Variants in DTD1 observed in about 807,000 individuals in gnomAD.
DTD1 encodes the protein D-tyrosyl-tRNA deacylase 1 homolog.
DTD1 carries 13 observed loss-of-function variants against 25.6 expected under a neutral mutation model. The observed-to-expected ratio is 0.51, with a 90% confidence interval of 0.33 to 0.81. DTD1 has a LOEUF of 0.81. DTD1 is among the 30% of genes least tolerant of loss of function. The pLI is 0.02. For missense variants in DTD1, 193 were observed against 266.4 expected (o/e 0.72, Z 1.92); for synonymous variants, 110 against 103.6 (o/e 1.06, Z -0.37).
chr20:18,596,062 C>G lies in DTD1; in HGVS notation c.191C>G (p.Ser64Trp). The change falls in exon 3 of 6, where the codon TCG (serine) becomes TGG (tryptophan). Residue 64 changes from serine to tryptophan, a missense_variant. Physicochemically the swap from Ser to Trp is radical, Grantham distance 177 (BLOSUM62 -3). Transcript: ENST00000377452. ...GAGGATGAGAGTGGGAAGCACTGGT[C>G]GAAGAGTGTGATGGACAAACAGTAC... Reference protein sequence around the residue: ...VFEDESGKHWSKSVMDKQYEI... With the variant: ...VFEDESGKHWWKSVMDKQYEI... 6.2e-7 allele frequency: 1 copy of G among 1,613,960 alleles called. No individual in the cohort carries two copies. Among genetic ancestry groups the G allele is most frequent in the South Asian group, 1.1e-5 (1 of 91,062 alleles).
intron 4 of DTD1, among the ~76,000 whole-genome samples, chr20:18,662,523 C>CCAG (rs1451486070): frequency 5.3e-5 from 8 of 152,160 alleles, no homozygotes; most frequent in Non-Finnish European, 1.2e-4. Flanking sequence ...GCAAGCTGCT[C>CCAG]CAGAAGCACA....
intron 4 of DTD1, among the ~76,000 whole-genome samples, chr20:18,698,915 C>A (rs533203727): frequency 2.0e-5 from 3 of 152,300 alleles, no homozygotes; most frequent in Middle Eastern, 3.4e-3. Flanking sequence ...CTGTCCTCTA[C>A]CTCATCTCCT....
intron 4 of DTD1, among the ~76,000 whole-genome samples, chr20:18,628,488 C>T (rs942427066): frequency 5.3e-5 from 8 of 152,202 alleles, no homozygotes; most frequent in African/African-American, 1.9e-4. Flanking sequence ...GGTTCTTCCC[C>T]TGGGCTTCCC....
intron 3 of DTD1, among the ~76,000 whole-genome samples, chr20:18,607,652 T>TA (rs1374997587): frequency 6.6e-6 from 1 of 152,184 alleles, no homozygotes; most frequent in Non-Finnish European, 1.5e-5. Flanking sequence ...GAAAGGTTAT[T>TA]AAATATTGCT....
intron 4 of DTD1, among the ~76,000 whole-genome samples, chr20:18,636,889 C>T (rs2122328852): frequency 6.6e-6 from 1 of 152,268 alleles, no homozygotes; most frequent in East Asian, 1.9e-4. Context: ...GACTGAGGAC[C>T]ACTGGCATCA....
intron 5 of DTD1, among the ~76,000 whole-genome samples, chr20:18,745,923 G>A (rs989244749): frequency 6.6e-6 from 1 of 152,188 alleles, no homozygotes; most frequent in Non-Finnish European, 1.5e-5. Flanking sequence ...GAGGCTGGAA[G>A]CAGATAGGCC....
chr20:18,625,985 C>A (rs1447540479), intron 3 of DTD1, among the ~76,000 whole-genome samples: 1 of 152,244 alleles, frequency 6.6e-6, no homozygotes, highest in East Asian at 1.9e-4. Context: ...TTGCTCCCAG[C>A]CAGGCCAAGA....
intron 4 of DTD1, among the ~76,000 whole-genome samples, chr20:18,641,197 A>G (rs773306629): frequency 2.6e-5 from 4 of 152,178 alleles, no homozygotes; most frequent in Admixed American, 6.5e-5. Context: ...TTTTATGGCC[A>G]CAGAATATTC....
At chr20:18,756,944 A>C (rs75211301) in intron 5 of DTD1, among the ~76,000 whole-genome samples, 72,746 of 136,990 alleles carry the variant, frequency 0.53, 20,987 homozygotes, top group Non-Finnish European at 0.61. Flanking sequence ...CTTTTATTTC[A>C]TTGAGCAGTG....
intron 4 of DTD1, among the ~76,000 whole-genome samples, chr20:18,650,094 T>A (rs536761342): frequency 2.7e-4 from 41 of 152,268 alleles, no homozygotes; most frequent in Non-Finnish European, 4.9e-4. Flanking sequence ...CCCACTGTGG[T>A]GGTGCATGTC....
intron 4 of DTD1, among the ~76,000 whole-genome samples, chr20:18,663,459 C>T (rs1309059490): frequency 6.6e-6 from 1 of 152,106 alleles, no homozygotes; most frequent in African/African-American, 2.4e-5. Context: ...GATCAAATTA[C>T]AGTCACATGC....
rs1487656058 is a variant in DTD1, at chr20:18,755,353, T to C, written c.*20-8007T>C. 2.0e-5 allele frequency among the ~76,000 whole-genome samples: 3 copies of C among 152,174 alleles called. No homozygotes were observed. In the East Asian group the frequency reaches 5.8e-4, roughly 29 times the overall value. ...GTTACATATGTATACATGTGCCATG[T>C]TGGTATGCTGCACCGTTAACTCGTC... is the stretch of plus-strand genomic sequence containing the variant. On this transcript the variant is annotated intron_variant, in intron 5 of 5. Transcript: ENST00000377452.
intron 3 of DTD1, among the ~76,000 whole-genome samples, chr20:18,614,811 CTCCCTTCCTCCT>C (rs1292684064): frequency 6.6e-6 from 1 of 152,032 alleles, no homozygotes; most frequent in Non-Finnish European, 1.5e-5. Context: ...CCCTCCCTCT[CTCCCTTCCTCCT>C]TCCCTTCCTC....
At chr20:18,616,376 G>A (rs958045939) in intron 3 of DTD1, among the ~76,000 whole-genome samples, 8 of 151,982 alleles carry the variant, frequency 5.3e-5, no homozygotes, top group Admixed American at 3.3e-4. Flanking sequence ...ATCTACTTTC[G>A]TTATTAAACC....
intron 3 of DTD1, among the ~76,000 whole-genome samples, chr20:18,615,822 C>G (rs1332138442): frequency 1.3e-5 from 2 of 152,206 alleles, no homozygotes; most frequent in Admixed American, 6.5e-5. Flanking sequence ...ATGACCGCTT[C>G]TGCTCTGTGT....
intron 4 of DTD1, among the ~76,000 whole-genome samples, chr20:18,676,891 CCCCAAAAGGG>C (rs1291467769): frequency 6.6e-6 from 1 of 152,140 alleles, no homozygotes; most frequent in Non-Finnish European, 1.5e-5. Flanking sequence ...ATATCAAGCC[CCCCAAAAGGG>C]CAGGAAAGGG....
chr20:18,668,705 T>C lies in DTD1; in HGVS notation c.477+40472T>C, dbSNP rs558894981. Among the ~76,000 whole-genome samples, 6 of 152,266 alleles carry C rather than the reference T, an allele frequency of 3.9e-5. No homozygotes were observed. In the East Asian group the frequency reaches 5.8e-4, roughly 15 times the overall value. The stretch of plus-strand genomic sequence containing the variant: ...GCCACAGTGGCATTGTTGAGTGAAA[T>C]GAGCTACCAGGTTCTCATTTTCACG... On this transcript the variant is annotated intron_variant, in intron 4 of 5. Coordinates refer to ENST00000377452, the MANE Select transcript of DTD1 (RefSeq NM_080820.6).
intron 1 of DTD1, among the ~76,000 whole-genome samples, chr20:18,592,837 C>T (rs528871388): frequency 1.7e-4 from 26 of 152,174 alleles, no homozygotes; most frequent in East Asian, 5.8e-4. Flanking sequence ...CGCCCGCCAC[C>T]ATGCCCGGCT....
At chr20:18,723,358 C>A (rs1568681828) in intron 4 of DTD1, among the ~76,000 whole-genome samples, 1 of 152,174 alleles carries the variant, frequency 6.6e-6, no homozygotes, top group Non-Finnish European at 1.5e-5. Flanking sequence ...CTATTATTGT[C>A]CCTGCTACTT....
Sources: allele counts gnomAD v4.1 joint callset (sites outside exome capture counted in the v4.1 genomes callset), GRCh38; gene constraint gnomAD v4.1.1; transcripts MANE v1.5; gene names NCBI Gene and HGNC (gene_info 2026-07-23, HGNC 2026-07-21).